Variants in ARID1B observed in about 807,000 individuals in gnomAD.
The protein encoded by ARID1B is AT-rich interaction domain 1B.
A neutral mutation model predicts 212.3 loss-of-function variants in ARID1B; 30 were observed. The observed-to-expected ratio is 0.14, with a 90% CI of 0.11 to 0.19. ARID1B has a LOEUF of 0.19. Among genes scored for constraint, ARID1B ranks in the 10% least tolerant of loss-of-function variants. The pLI is 1.00. For synonymous variants in ARID1B, 1,402 were observed against 1,301.7 expected, an observed-to-expected ratio of 1.08 and a Z score of -1.66; for missense variants, 2,891 against 3,204.0, an observed-to-expected ratio of 0.90 and a Z score of 2.36.
chr6:157,158,282 G>A (rs1238505951), intron 8 of ARID1B, among the ~76,000 whole-genome samples: 2 of 152,168 alleles, frequency 1.3e-5, no homozygotes, highest in African/African-American at 4.8e-5. Flanking sequence ...TCACTTTGTG[G>A]CCCAGGCCAC....
intron 7 of ARID1B, among the ~76,000 whole-genome samples, chr6:157,142,807 T>A (rs1789472553): frequency 6.6e-6 from 1 of 152,170 alleles, no homozygotes; most frequent in Admixed American, 6.5e-5. Flanking sequence ...AGGGTAAGAT[T>A]TCTGATTTAT....
At chr6:157,010,243 TTCTG>T (rs1343835942) in intron 4 of ARID1B, among the ~76,000 whole-genome samples, 1 of 151,640 alleles carries the variant, frequency 6.6e-6, no homozygotes, top group Non-Finnish European at 1.5e-5. Context: ...AATTCTAGGC[TTCTG>T]TCTAATTTTG....
At chr6:157,015,840 C>T (rs1779891664) in intron 4 of ARID1B, among the ~76,000 whole-genome samples, 1 of 152,230 alleles carries the variant, frequency 6.6e-6, no homozygotes, top group Admixed American at 6.5e-5. Flanking sequence ...ATTACTCCGA[C>T]CCCACTGCTA....
At chr6:157,043,058 T>A (rs1161498124) in intron 4 of ARID1B, among the ~76,000 whole-genome samples, 2 of 152,232 alleles carry the variant, frequency 1.3e-5, no homozygotes, top group Admixed American at 1.3e-4. Flanking sequence ...AGCTAAAGTA[T>A]CTGAACATAA....
chr6:156,778,204 A>ACCACCACCACCATGC lies in ARID1B; in HGVS notation c.533_547dup (p.His178_His182dup). The ACCACCACCACCATGC allele has an allele frequency of 1.9e-6, 3 of 1,538,814 alleles. No homozygotes were observed. Among genetic ancestry groups the ACCACCACCACCATGC allele is most frequent in the Non-Finnish European group, 2.6e-6 (3 of 1,145,766 alleles). On this transcript the variant is annotated inframe_insertion, in exon 1 of 20. Transcript: ENST00000636930. Reference sequence around the variant, plus strand: ...CACCACCACCACCACCATGCCCACCACCACCACCACCATGCCCACCACCTC... The same window carrying ACCACCACCACCATGC: ...CACCACCACCACCACCATGCCCACCACCACCACCACCATGCCCACCACCACCATGCCCACCACCTC...
chr6:156,961,437 T>G (rs1794367121), intron 4 of ARID1B, among the ~76,000 whole-genome samples: 1 of 152,220 alleles, frequency 6.6e-6, no homozygotes, highest in Admixed American at 6.5e-5. Flanking sequence ...GGCAGTGCTG[T>G]GGTGATGCAG....
At chr6:156,836,951 A>G (rs916952964) in intron 2 of ARID1B, among the ~76,000 whole-genome samples, 6 of 152,212 alleles carry the variant, frequency 3.9e-5, no homozygotes, top group African/African-American at 1.4e-4. Flanking sequence ...GGCATGAGCC[A>G]CCATACCCAG....
intron 4 of ARID1B, among the ~76,000 whole-genome samples, chr6:157,016,764 T>C (rs573970811): frequency 2.6e-5 from 4 of 152,344 alleles, no homozygotes; most frequent in Non-Finnish European, 5.9e-5. Context: ...ATTACTTATT[T>C]TTACTAATCT....
At chr6:157,147,642 A>C (rs550832896) in intron 7 of ARID1B, among the ~76,000 whole-genome samples, 94 of 278 alleles carry the variant, frequency 0.34, no homozygotes, top group Non-Finnish European at 0.4. Flanking sequence ...CCCCCACCCC[A>C]GCCTCCGACC....
Position 156,779,099 on chromosome 6 carries a change from C to T in ARID1B, c.1419C>T (p.Leu473=), listed in dbSNP as rs772315737. The T allele has an allele frequency of 1.4e-5, 17 of 1,231,902 alleles. No individual in the cohort carries two copies. Among genetic ancestry groups the T allele is most frequent in the Non-Finnish European group, 1.7e-5 (17 of 988,842 alleles). 76.3% of individuals were successfully genotyped at this position (1,231,902 alleles called of 1,614,324 possible). A position where few individuals can be genotyped will look rare whatever the true frequency, so the allele number is the denominator to read the frequency against. Residue 473 remains leucine (L), a synonymous_variant, in exon 1 of 20, where the codon CTC becomes CTT. Coordinates refer to ENST00000636930, the MANE Select transcript of ARID1B (RefSeq NM_001374828.1). ...MGPGGGGAAS[L]SKAAAGSAAG... ...CCGGGGGCGGCGGGGCCGCGAGCCTCAGCAAGGCGGCCGCCGGCTCGGCGG... is the reference window on the plus strand; with the variant it reads ...CCGGGGGCGGCGGGGCCGCGAGCCTTAGCAAGGCGGCCGCCGGCTCGGCGG...
intron 4 of ARID1B, among the ~76,000 whole-genome samples, chr6:156,988,635 T>C (rs929772366): frequency 6.6e-6 from 1 of 152,210 alleles, no homozygotes; most frequent in Non-Finnish European, 1.5e-5. Context: ...TTCCTGTTTG[T>C]CTGAATGCAT....
At chr6:157,045,698 T>C (rs916998162) in intron 4 of ARID1B, among the ~76,000 whole-genome samples, 2 of 152,228 alleles carry the variant, frequency 1.3e-5, no homozygotes, top group East Asian at 1.9e-4. Flanking sequence ...CATAATCTTA[T>C]GAACTCATAT....
At chr6:156,872,575 C>T (rs1405485402) in intron 2 of ARID1B, among the ~76,000 whole-genome samples, 1 of 152,192 alleles carries the variant, frequency 6.6e-6, no homozygotes, top group Non-Finnish European at 1.5e-5. Flanking sequence ...CGCGCCTCAG[C>T]CTCCCAAAGT....
chr6:156,853,972 A>AT (rs1784746074), intron 2 of ARID1B, among the ~76,000 whole-genome samples: 1 of 152,016 alleles, frequency 6.6e-6, no homozygotes, highest in Admixed American at 6.6e-5. Context: ...GGCTCCAGTG[A>AT]TCCCCCACTT....
chr6:156,800,103 G>A (rs1332152580), intron 1 of ARID1B, among the ~76,000 whole-genome samples: 1 of 152,152 alleles, frequency 6.6e-6, no homozygotes, highest in Admixed American at 6.5e-5. Flanking sequence ...GAATGTGAAA[G>A]GGGATCTTTG....
chr6:156,976,538 AAAG>A, intron 4 of ARID1B: 1 of 210,054 alleles, frequency 4.8e-6, no homozygotes, highest in South Asian at 6.6e-5. Flanking sequence ...AGGATTGAAA[AAAG>A]AACCACTCTC....
At chr6:157,183,886 G>A (rs1181535696) in intron 12 of ARID1B, among the ~76,000 whole-genome samples, 3 of 152,216 alleles carry the variant, frequency 2.0e-5, no homozygotes. Context: ...TTTCACATCA[G>A]TGCCCAAAAA....
intron 3 of ARID1B, among the ~76,000 whole-genome samples, chr6:156,932,145 A>AAGGG (rs796243149): frequency 4.7e-4 from 29 of 61,374 alleles, no homozygotes; most frequent in Middle Eastern, 0.019. Flanking sequence ...AAAAAAAAAA[A>AAGGG]GGGGGGGGGC....
In ARID1B at chr6:156,777,842, G is replaced by T. The variant is rs906576162; in HGVS notation, c.162G>T (p.Pro54=). The part of the protein sequence containing the change: ...ARGAAAAAAA[P]GPMLGGGGDG... The stretch of plus-strand genomic sequence containing the variant: ...GCGCGGCGGCGGCGGCGGCGGCACC[G>T]GGACCCATGCTGGGGGGCGGCGGCG... The change falls in exon 1 of 20, where the codon CCG becomes CCT. Residue 54 remains proline, a synonymous_variant. Transcript: ENST00000636930. The T allele has an allele frequency of 4.1e-6, 5 of 1,208,500 alleles. No individual in the cohort carries two copies. The South Asian group carries it at 1.0e-4, about 25-fold the overall frequency. The allele number at this position is 1,208,500 out of a possible 1,614,324, so 74.9% of individuals were successfully genotyped here.
Sources: allele counts gnomAD v4.1 joint callset (sites outside exome capture counted in the v4.1 genomes callset), GRCh38; gene constraint gnomAD v4.1.1; transcripts MANE v1.5; gene names NCBI Gene and HGNC (gene_info 2026-07-23, HGNC 2026-07-21).